Variants in RTL4 observed in about 807,000 individuals in gnomAD.
RTL4 encodes retrotransposon Gag like 4, also known as retrotransposon Gag-like protein 4.
In RTL4, 4 loss-of-function variants were observed where a neutral mutation model predicts 5.3. The ratio of observed to expected loss-of-function variants is 0.75; its 90% CI spans 0.37 to 1.72. The LOEUF is 1.72. RTL4 is among the 40% of genes most tolerant of loss of function. The pLI, the probability that RTL4 is intolerant of heterozygous loss-of-function variation, is 0.04. For missense variants in RTL4, 260 were observed against 227.1 expected, an observed-to-expected ratio of 1.14 and a Z score of -0.93; for synonymous variants, 98 against 87.3, an observed-to-expected ratio of 1.12 and a Z score of -0.68.
chrX:112,457,357 G>A (rs1246596503), downstream of RTL4, among the ~76,000 whole-genome samples: 1 of 112,018 alleles, frequency 8.9e-6, no homozygotes, highest in Non-Finnish European at 1.9e-5. Flanking sequence ...AGAGACCTGA[G>A]TTAACATATT....
At chrX:112,222,196 C>G in the RTL4 span, among the ~76,000 whole-genome samples, 1 of 111,513 alleles carries the variant, frequency 9.0e-6, no homozygotes, top group Admixed American at 9.5e-5. Context: ...ACAATTCTCT[C>G]CATGTGTTAT....
At chrX:112,449,639 T>C (rs1053053789), upstream of RTL4, among the ~76,000 whole-genome samples, 2 of 111,638 alleles carry the variant, frequency 1.8e-5, no homozygotes, top group African/African-American at 3.3e-5. Flanking sequence ...GATTCTGATG[T>C]ACCCTGAAAT....
the RTL4 span, among the ~76,000 whole-genome samples, chrX:112,198,157 A>G: frequency 1.8e-5 from 2 of 111,715 alleles, no homozygotes; most frequent in African/African-American, 6.5e-5. Flanking sequence ...GCATGCTCTG[A>G]AGAAAATACT....
the RTL4 span, among the ~76,000 whole-genome samples, chrX:112,255,111 A>C: frequency 8.9e-6 from 1 of 111,844 alleles, no homozygotes; most frequent in Non-Finnish European, 1.9e-5. Context: ...ATGACCCAAA[A>C]GAGTGTGCTA....
At chrX:112,321,535 A>G in the RTL4 span, among the ~76,000 whole-genome samples, 60 of 93,449 alleles carry the variant, frequency 6.4e-4, no homozygotes, top group African/African-American at 2.3e-3. Context: ...ACTCCGTCTC[A>G]AAAAAAAAAA....
the RTL4 span, among the ~76,000 whole-genome samples, chrX:112,230,222 G>A: frequency 8.9e-6 from 1 of 112,710 alleles, no homozygotes; most frequent in Middle Eastern, 4.6e-3. Context: ...TCAAGCCTGA[G>A]CAATGGTGGG....
the RTL4 span, among the ~76,000 whole-genome samples, chrX:112,092,982 T>C: frequency 2.7e-5 from 3 of 111,181 alleles, no homozygotes; most frequent in Non-Finnish European, 5.7e-5. Flanking sequence ...GTAAGTGAAA[T>C]ATAACTAGGA....
chrX:112,404,352 ACTCAGTGTACAGTTTTCTTTTCCCTTC>A, the RTL4 span, among the ~76,000 whole-genome samples: 1 of 111,819 alleles, frequency 8.9e-6, no homozygotes, highest in Non-Finnish European at 1.9e-5. Context: ...TATTTGTCCA[ACTCAGTGTACAGTTTTCTTTTCCCTTC>A]CTGACTTCAT....
At chrX:112,426,699 C>A in the RTL4 span, among the ~76,000 whole-genome samples, 1 of 110,846 alleles carries the variant, frequency 9.0e-6, no homozygotes, top group African/African-American at 3.3e-5. Flanking sequence ...TATAGGAAAG[C>A]AGTCAGATTT....
chrX:112,435,212 G>A, the RTL4 span, among the ~76,000 whole-genome samples: 1 of 111,219 alleles, frequency 9.0e-6, no homozygotes. Context: ...ACTGGGTAAA[G>A]TCACACTAAT....
chrX:112,198,076 CA>C, the RTL4 span, among the ~76,000 whole-genome samples: 2 of 110,469 alleles, frequency 1.8e-5, no homozygotes, highest in Non-Finnish European at 3.8e-5. Context: ...TAGGACTCAC[CA>C]AAAAAAATGT....
the RTL4 span, among the ~76,000 whole-genome samples, chrX:112,439,747 A>G: frequency 9.0e-6 from 1 of 110,719 alleles, no homozygotes; most frequent in Non-Finnish European, 1.9e-5. Flanking sequence ...TGTGAGATCT[A>G]ATTGTTAAAA....
the RTL4 span, among the ~76,000 whole-genome samples, chrX:112,278,979 A>C: frequency 1.8e-5 from 2 of 111,873 alleles, no homozygotes; most frequent in South Asian, 7.4e-4. Flanking sequence ...AACAGCAAAA[A>C]TGAGTGAAAG....
chrX:112,264,954 G>A, the RTL4 span, among the ~76,000 whole-genome samples: 1 of 112,581 alleles, frequency 8.9e-6, no homozygotes, highest in Middle Eastern at 4.6e-3. Context: ...TATGTAGTAG[G>A]TACTCAATAA....
At chrX:112,283,763 C>T in the RTL4 span, among the ~76,000 whole-genome samples, 1 of 110,758 alleles carries the variant, frequency 9.0e-6, no homozygotes, top group East Asian at 2.8e-4. Context: ...CTATGCCTTT[C>T]TCCCACTGAG....
chrX:112,206,987 A>T, the RTL4 span, among the ~76,000 whole-genome samples: 1 of 111,531 alleles, frequency 9.0e-6, no homozygotes, highest in African/African-American at 3.3e-5. Flanking sequence ...CCATCATCAA[A>T]TGCTCTCAAC....
the RTL4 span, among the ~76,000 whole-genome samples, chrX:112,092,487 C>T: frequency 0.015 from 1,646 of 111,667 alleles, 14 homozygotes; most frequent in African/African-American, 0.037. Context: ...GCCTCTCACT[C>T]CCATATCTAT....
At chrX:112,280,910 C>T in the RTL4 span, among the ~76,000 whole-genome samples, 2 of 111,048 alleles carry the variant, frequency 1.8e-5, no homozygotes, top group African/African-American at 3.3e-5. Flanking sequence ...TCATGTACAA[C>T]ACGTTGTTTT....
At chrX:112,368,683 C>T in the RTL4 span, among the ~76,000 whole-genome samples, 5 of 110,796 alleles carry the variant, frequency 4.5e-5, no homozygotes, top group Non-Finnish European at 9.5e-5. Flanking sequence ...TCAATAGTAC[C>T]AAGGCTATAA....
Sources: gnomAD v4.1 joint callset for allele counts (sites outside exome capture counted in the v4.1 genomes callset) on GRCh38, gnomAD v4.1.1 for gene constraint, MANE v1.5 for transcripts, NCBI Gene and HGNC (gene_info 2026-07-23, HGNC 2026-07-21) for gene names.